The following SNTB1 variants were observed in gnomAD, a reference collection of about 807,000 sequenced individuals.
The protein encoded by SNTB1 is beta-1-syntrophin.
Under a neutral mutation model 48.9 loss-of-function variants are expected in SNTB1, and 36 were observed. The observed-to-expected ratio is 0.74, with a 90% CI of 0.56 to 0.97. The LOEUF (loss-of-function observed/expected upper bound fraction) is 0.97. Ranked by LOEUF, SNTB1 falls within the 50% of genes least tolerant of loss-of-function variation. The pLI, the probability that SNTB1 is intolerant of heterozygous loss-of-function variation, is 0.00. For synonymous variants in SNTB1, 299 were observed against 294.6 expected (o/e 1.01, Z -0.15); for missense variants, 786 against 703.4 (o/e 1.12, Z -1.33).
chr8:120,691,022 A>C (rs1460088401), intron 2 of SNTB1, among the ~76,000 whole-genome samples: 2 of 150,110 alleles, frequency 1.3e-5, no homozygotes, highest in African/African-American at 5.0e-5. Context: ...CCTATGTATA[A>C]TCGTCAATGG....
At chr8:120,747,802 C>T (rs1819152297) in intron 1 of SNTB1, among the ~76,000 whole-genome samples, 1 of 152,104 alleles carries the variant, frequency 6.6e-6, no homozygotes, top group Non-Finnish European at 1.5e-5. Context: ...CAAACCTGCA[C>T]ATGCACTCAT....
intron 1 of SNTB1, among the ~76,000 whole-genome samples, chr8:120,752,547 C>T (rs1406416670): frequency 1.3e-5 from 2 of 152,070 alleles, no homozygotes; most frequent in Non-Finnish European, 1.5e-5. Context: ...AACCTAGAAA[C>T]TCATCAATGG....
chr8:120,779,033 CGTGGGGCCCTGGATA>C (rs1563599494), intron 1 of SNTB1, among the ~76,000 whole-genome samples: 1 of 151,992 alleles, frequency 6.6e-6, no homozygotes, highest in Non-Finnish European at 1.5e-5. Flanking sequence ...TTAGGCTCCA[CGTGGGGCCCTGGATA>C]TATTATATTG....
chr8:120,769,091 CA>C (rs1353865057), intron 1 of SNTB1: 5 of 152,230 alleles, frequency 3.3e-5, no homozygotes, highest in Admixed American at 3.3e-4. Flanking sequence ...CAGTTCCAGA[CA>C]AGGCATCTGA....
At chr8:120,617,741 C>T (rs1196779251) in intron 3 of SNTB1, among the ~76,000 whole-genome samples, 6 of 152,090 alleles carry the variant, frequency 3.9e-5, no homozygotes, top group Admixed American at 2.6e-4. Context: ...GCTCTGAGAC[C>T]GGAGGTCTCC....
intron 1 of SNTB1, among the ~76,000 whole-genome samples, chr8:120,765,543 T>C (rs1399458265): frequency 2.0e-5 from 3 of 152,168 alleles, no homozygotes; most frequent in Admixed American, 2.0e-4. Flanking sequence ...TGCTGGCATC[T>C]GGTGAGGGCC....
intron 1 of SNTB1, among the ~76,000 whole-genome samples, chr8:120,731,635 G>T (rs1056145919): frequency 1.3e-5 from 2 of 152,192 alleles, no homozygotes; most frequent in African/African-American, 4.8e-5. Flanking sequence ...TGATCATGCA[G>T]ATATCAGGCT....
At chr8:120,639,595 A>G (rs113640356) in intron 2 of SNTB1, among the ~76,000 whole-genome samples, 129,267 of 151,828 alleles carry the variant, frequency 0.85, 55,252 homozygotes, top group Middle Eastern at 0.92. Flanking sequence ...CTTTCTACAT[A>G]TGGCTAGCCA....
chr8:120,808,002 C>A (rs1820363737), intron 1 of SNTB1, among the ~76,000 whole-genome samples: 1 of 152,108 alleles, frequency 6.6e-6, no homozygotes, highest in Non-Finnish European at 1.5e-5. Context: ...GCCACCTACA[C>A]CTTCTGGATT....
intron 1 of SNTB1, among the ~76,000 whole-genome samples, chr8:120,789,203 G>A (rs1052536378): frequency 6.6e-6 from 1 of 151,928 alleles, no homozygotes; most frequent in Admixed American, 6.6e-5. Context: ...AATGATCACA[G>A]TGAAACAAAT....
chr8:120,627,846 A>C lies in SNTB1; in HGVS notation c.996+4598T>G, dbSNP rs535015893. On this transcript the variant is annotated intron_variant, in intron 3 of 6. Coordinates refer to ENST00000517992, the MANE Select transcript of SNTB1 (RefSeq NM_021021.4). ...ATCTCAGCTTAGTGGAAAGTGCTGG[A>C]CTTTGGAGTTAGAAAGAGAAGCTCA... Among the ~76,000 whole-genome samples the C allele has an allele frequency of 2.3e-4, 35 of 152,312 alleles. No homozygotes were observed. The South Asian group carries it at 6.8e-3, about 30-fold the overall frequency.
chr8:120,760,954 T>C (rs1016158461), intron 1 of SNTB1, among the ~76,000 whole-genome samples: 13 of 152,024 alleles, frequency 8.6e-5, no homozygotes, highest in Non-Finnish European at 1.6e-4. Flanking sequence ...AGGAAACAGA[T>C]TTACAACTAA....
At chr8:120,699,378 A>G (rs1030376862) in intron 1 of SNTB1, among the ~76,000 whole-genome samples, 3 of 152,188 alleles carry the variant, frequency 2.0e-5, no homozygotes, top group Non-Finnish European at 4.4e-5. Flanking sequence ...TGAATGGCTT[A>G]GCGCCATCCC....
At chr8:120,584,066 C>G (rs1447062564) in intron 3 of SNTB1, among the ~76,000 whole-genome samples, 1 of 152,192 alleles carries the variant, frequency 6.6e-6, no homozygotes. Flanking sequence ...GTAAGCCCAA[C>G]ACCTTGGGAG....
chr8:120,694,092 CT>C (rs1818171981), intron 1 of SNTB1, among the ~76,000 whole-genome samples, 184 bp from the exon 2 acceptor site: 1 of 152,118 alleles, frequency 6.6e-6, no homozygotes, highest in Admixed American at 6.5e-5. Context: ...AATTATATAG[CT>C]CTGTGCATCT....
At chr8:120,543,186 G>A (rs370590175) in intron 5 of SNTB1, among the ~76,000 whole-genome samples, 29 of 152,322 alleles carry the variant, frequency 1.9e-4, no homozygotes, top group African/African-American at 6.7e-4. Flanking sequence ...AGGAAGACTT[G>A]TGAATGTTTA....
intron 1 of SNTB1, among the ~76,000 whole-genome samples, chr8:120,782,901 C>A (rs1819853500): frequency 6.6e-6 from 1 of 152,118 alleles, no homozygotes; most frequent in Non-Finnish European, 1.5e-5. Flanking sequence ...ACAAGGAAAA[C>A]AAGTTTCTCT....
chr8:120,738,913 T>A (rs1818997420), intron 1 of SNTB1, among the ~76,000 whole-genome samples: 1 of 152,120 alleles, frequency 6.6e-6, no homozygotes. Context: ...CAATAAACAG[T>A]CACTAAAACA....
intron 2 of SNTB1, among the ~76,000 whole-genome samples, chr8:120,663,386 A>G (rs998057004): frequency 3.9e-5 from 6 of 152,324 alleles, no homozygotes; most frequent in African/African-American, 1.2e-4. Context: ...TACATTGCAC[A>G]TGATGGAATG....
Sources: gnomAD v4.1 joint callset for allele counts (sites outside exome capture counted in the v4.1 genomes callset) on GRCh38, gnomAD v4.1.1 for gene constraint, MANE v1.5 for transcripts, NCBI Gene and HGNC (gene_info 2026-07-23, HGNC 2026-07-21) for gene names.